The following ABCG2 variants were observed in gnomAD, a reference collection of about 807,000 sequenced individuals.
ABCG2 encodes broad substrate specificity ATP-binding cassette transporter ABCG2.
Under a neutral mutation model 73.5 loss-of-function variants are expected in ABCG2, and 80 were observed. The observed-to-expected ratio is 1.09, with a 90% CI of 0.91 to 1.31. ABCG2 has a LOEUF of 1.31. ABCG2 is among the 50% of genes most tolerant of loss of function. ABCG2 has a pLI of 0.00. For missense variants in ABCG2, 796 were observed against 786.2 expected (o/e 1.01, Z -0.15); for synonymous variants, 269 against 282.4 (o/e 0.95, Z 0.48).
rs1725498975 is a variant in ABCG2 at position 88,139,802 on chromosome 4, GATA to G, written c.191_193del (p.Leu64del). On this transcript the variant is annotated inframe_deletion, in exon 2 of 16. Coordinates refer to ENST00000237612, the MANE Select transcript of ABCG2 (RefSeq NM_004827.3). ...AAGTTCATGTACATACTTGATATTC[GATA>G]ATATTTCTTTCTCAACTGGTTTTCG... 1.2e-6 allele frequency: 2 copies of G among 1,612,932 alleles called. No homozygotes were observed. The highest frequency in any genetic ancestry group is 1.7e-6 in the Non-Finnish European group (2 of 1,179,290).
At chr4:88,165,465 C>T (rs1408048403) in intron 1 of ABCG2, among the ~76,000 whole-genome samples, 1 of 152,156 alleles carries the variant, frequency 6.6e-6, no homozygotes, top group African/African-American at 2.4e-5. Context: ...GCCCTGTGAC[C>T]CTGCTTCTGT....
rs1721584550 is a variant in ABCG2, at chr4:88,090,577, T to C, written c.*1657A>G. 6.6e-6 allele frequency: 1 copy of C among 152,236 alleles called. No homozygotes were observed. The highest frequency in any genetic ancestry group is 2.4e-5 in the African/African-American group (1 of 41,450). The allele number at this position is 152,236 out of a possible 1,614,324, so 9.4% of individuals were successfully genotyped here. A position where few individuals can be genotyped will look rare whatever the true frequency, so the allele number is the denominator to read the frequency against. On this transcript the variant is annotated 3_prime_UTR_variant, in exon 16 of 16. Transcript: ENST00000237612. ...AAAATATAATGCCATGTTCCCAAAT[T>C]GATGTTGTGACAGAATGTCAGGGCA...
chr4:88,104,012 G>A lies in ABCG2; in HGVS notation c.1278-2693C>T, dbSNP rs75220934. Among the ~76,000 whole-genome samples, 285 of 152,298 alleles carry A rather than the reference G, an allele frequency of 1.9e-3. 2 individuals are homozygous for A. The highest frequency in any genetic ancestry group is 6.5e-3 in the African/African-American group (271 of 41,558). On this transcript the variant is annotated intron_variant, in intron 10 of 15. Transcript: ENST00000237612. ...GAACAATGCTGCAATAAATATGAGG[G>A]TGCAGAAATTTCTTCAATAAACTGA...
At chr4:88,222,732 C>T (rs1022877614) in intron 1 of ABCG2, among the ~76,000 whole-genome samples, 1 of 152,202 alleles carries the variant, frequency 6.6e-6, no homozygotes, top group Non-Finnish European at 1.5e-5. Flanking sequence ...CAGTGGGGCA[C>T]CGCCTAGTGG....
intron 13 of ABCG2, 63 bp from the exon 14 acceptor site, chr4:88,095,672 A>C: frequency 7.5e-7 from 1 of 1,328,544 alleles, no homozygotes. Context: ...ATTCTAGAGA[A>C]TACCCTCTTC....
At chr4:88,229,994 A>ATTATTATTATTG (rs1193313784) in intron 1 of ABCG2, among the ~76,000 whole-genome samples, 3 of 149,060 alleles carry the variant, frequency 2.0e-5, no homozygotes, top group Non-Finnish European at 4.4e-5. Flanking sequence ...TATTATTATT[A>ATTATTATTATTG]TTATTATTAT....
intron 8 of ABCG2, among the ~76,000 whole-genome samples, chr4:88,113,804 T>C (rs1001010345): frequency 6.7e-6 from 1 of 148,230 alleles, no homozygotes; most frequent in Non-Finnish European, 1.5e-5. Context: ...CTACTGAAAA[T>C]ACAAAAAAAA....
intron 1 of ABCG2, among the ~76,000 whole-genome samples, chr4:88,227,941 C>T (rs1730290672): frequency 6.6e-6 from 1 of 152,118 alleles, no homozygotes; most frequent in South Asian, 2.1e-4. Flanking sequence ...GTTTGAATCC[C>T]AGCACACCCA....
Position 88,213,978 on chromosome 4 carries a change from C to T in ABCG2, c.-20+17016G>A, listed in dbSNP as rs6836710. On this transcript the variant is annotated intron_variant, in intron 1 of 15. Transcript: ENST00000515655. ...GATTACAGCCATGAGCCACCACGCC[C>T]GGCCTTTTTTTTTTTTTTTTTTTTT... 1.8e-4 allele frequency among the ~76,000 whole-genome samples: 23 copies of T among 129,694 alleles called. No homozygotes were observed. In the East Asian group the frequency reaches 2.6e-3, roughly 15 times the overall value. The allele number at this position is 129,694 out of a possible 152,430, so 85.1% of individuals were successfully genotyped here. A position where few individuals can be genotyped will look rare whatever the true frequency, so the allele number is the denominator to read the frequency against.
At chr4:88,105,961 G>T (rs976492056) in intron 10 of ABCG2, among the ~76,000 whole-genome samples, 1 of 152,124 alleles carries the variant, frequency 6.6e-6, no homozygotes, top group African/African-American at 2.4e-5. Context: ...TGTTGGTAAG[G>T]ATATGGAGAA....
chr4:88,181,403 A>AAAAAAAC (rs1728233362), intron 1 of ABCG2, among the ~76,000 whole-genome samples: 1 of 32,610 alleles, frequency 3.1e-5, no homozygotes, highest in African/African-American at 8.0e-5. Context: ...CATCTCAAAA[A>AAAAAAAC]AAAAAAAAAA....
At chr4:88,104,608 C>T (rs1446527917) in intron 10 of ABCG2, among the ~76,000 whole-genome samples, 3 of 151,758 alleles carry the variant, frequency 2.0e-5, no homozygotes, top group Non-Finnish European at 2.9e-5. Context: ...CCATGGCACA[C>T]GTTTAACTAT....
At chr4:88,225,484 A>G (rs568878128) in intron 1 of ABCG2, among the ~76,000 whole-genome samples, 102 of 152,280 alleles carry the variant, frequency 6.7e-4, no homozygotes, top group Non-Finnish European at 1.1e-3. Flanking sequence ...CAGATCACAG[A>G]GCCTTGGAGA....
intron 10 of ABCG2, among the ~76,000 whole-genome samples, chr4:88,106,205 A>G (rs555971404): frequency 6.6e-6 from 1 of 152,030 alleles, no homozygotes; most frequent in Non-Finnish European, 1.5e-5. Flanking sequence ...TAGTGCAATC[A>G]TAGCTCACTG....
intron 10 of ABCG2, among the ~76,000 whole-genome samples, chr4:88,102,523 G>A (rs1247731933): frequency 6.6e-6 from 1 of 151,392 alleles, no homozygotes; most frequent in Admixed American, 6.6e-5. Context: ...TTGAACCTGG[G>A]ACGTGGAGGT....
intron 1 of ABCG2, among the ~76,000 whole-genome samples, chr4:88,229,299 T>G (rs1396038324): frequency 5.3e-5 from 8 of 152,154 alleles, no homozygotes; most frequent in Non-Finnish European, 4.4e-5. Flanking sequence ...ATCACTTGTA[T>G]AGCCCTTCCT....
In ABCG2 at chr4:88,097,363, CA is replaced by C. The variant is rs1177502456; in HGVS notation, c.1647+89del. The C allele has an allele frequency of 4.1e-6, 6 of 1,479,756 alleles. No homozygotes were observed. The East Asian group carries it at 9.3e-5, about 23-fold the overall frequency. 91.7% of individuals were successfully genotyped at this position (1,479,756 alleles called of 1,614,324 possible). On this transcript the variant is annotated intron_variant, in intron 13 of 15. Coordinates refer to ENST00000237612, the MANE Select transcript of ABCG2 (RefSeq NM_004827.3). ...AGCAGAGCCCCATTTACAGAATCCT[CA>C]AAACAGGTTTTACATGACAAGTGAA... is the stretch of plus-strand genomic sequence containing the variant.
rs189584428 is a variant in ABCG2, at chr4:88,196,051, G to C, written c.-20+34943C>G. On this transcript the variant is annotated intron_variant, in intron 1 of 15. Transcript: ENST00000515655. ...AGACGACCTTTCCCTGGCGCCAGCT[G>C]CAACCAATTACTATTTTGCAGAGCC... Among the ~76,000 whole-genome samples, 1,104 of 152,224 alleles carry C rather than the reference G, an allele frequency of 7.3e-3. 15 individuals carry two copies. The highest frequency in any genetic ancestry group is 0.024 in the African/African-American group (976 of 41,524).
upstream of ABCG2, chr4:88,158,812 G>T: frequency 3.0e-6 from 1 of 336,678 alleles, no homozygotes; most frequent in Non-Finnish European, 5.6e-6. Flanking sequence ...GCGGGTGGCC[G>T]CCTGGGGAGA....
Sources: allele counts gnomAD v4.1 joint callset (sites outside exome capture counted in the v4.1 genomes callset), GRCh38; gene constraint gnomAD v4.1.1; transcripts MANE v1.5; gene names NCBI Gene and HGNC (gene_info 2026-07-23, HGNC 2026-07-21).